The following BCAT1 variants were observed in gnomAD, a reference collection of about 807,000 sequenced individuals.
The protein encoded by BCAT1 is branched-chain-amino-acid aminotransferase, cytosolic.
BCAT1 carries 48 observed loss-of-function variants against 52.4 expected under a neutral mutation model. That is an observed-to-expected ratio of 0.92 (90% CI 0.73 to 1.16). BCAT1 has a LOEUF of 1.16. Ranked by LOEUF, BCAT1 falls within the 50% of genes most tolerant of loss-of-function variation. The probability of loss-of-function intolerance (pLI) is 0.00; values close to 1 mark genes in which losing one functional copy is unlikely to be tolerated. For synonymous variants in BCAT1, 167 were observed against 161.3 expected (o/e 1.04, Z -0.27); for missense variants, 451 against 457.1 (o/e 0.99, Z 0.12).
intron 1 of BCAT1, chr12:24,945,649 A>G (rs909766329): frequency 6.6e-6 from 1 of 152,204 alleles, no homozygotes; most frequent in African/African-American, 2.4e-5. Context: ...CCTGGCCAAC[A>G]TGGCAAAACT....
chr12:24,878,431 T>TG (rs765298173), intron 5 of BCAT1, 99 bp downstream of exon 5: 23 of 1,122,544 alleles, frequency 2.0e-5, no homozygotes, highest in Non-Finnish European at 2.7e-5. Context: ...ATGATGCTAC[T>TG]GGGGGGCTAC....
chr12:24,858,261 A>C lies in BCAT1; in HGVS notation c.511-8312T>G, dbSNP rs115387149. On this transcript the variant is annotated intron_variant, in intron 5 of 10. Transcript: ENST00000261192. Reference sequence around the variant, plus strand: ...GTGTTGTATGTGTGATATGCATAGAAAAGAGCTCTAATTAATTGGCTTGAA... The same window carrying C: ...GTGTTGTATGTGTGATATGCATAGACAAGAGCTCTAATTAATTGGCTTGAA... Among the ~76,000 whole-genome samples the C allele has an allele frequency of 5.1e-3, 772 of 152,326 alleles. 8 individuals carry two copies. Among genetic ancestry groups the C allele is most frequent in the African/African-American group, 0.018 (749 of 41,572 alleles).
intron 1 of BCAT1, among the ~76,000 whole-genome samples, chr12:24,904,912 T>C (rs1006737154): frequency 2.0e-5 from 3 of 152,214 alleles, no homozygotes; most frequent in Admixed American, 2.0e-4. Flanking sequence ...GCCTGTGCTC[T>C]AAGAGCCTCT....
intron 2 of BCAT1, among the ~76,000 whole-genome samples, chr12:24,898,807 T>C (rs1250499707): frequency 1.3e-5 from 2 of 152,128 alleles, no homozygotes; most frequent in African/African-American, 4.8e-5. Context: ...TGAGTCACCA[T>C]GCCAGGCCTG....
chr12:24,819,799 T>G (rs1265583467), intron 10 of BCAT1, among the ~76,000 whole-genome samples: 2 of 152,164 alleles, frequency 1.3e-5, no homozygotes, highest in Non-Finnish European at 2.9e-5. Flanking sequence ...GGAAGCCAAA[T>G]GACTGTAAGT....
At position 24,920,974 on chromosome 12, in the gene BCAT1, G is replaced by A. The variant is rs148279852; in HGVS notation, c.7-19089C>T. On this transcript the variant is annotated intron_variant, in intron 1 of 10. Transcript: ENST00000261192. The stretch of plus-strand genomic sequence containing the variant: ...AAGTCTGGAAGGGTTCTGAGCACAG[G>A]AGCTTTTGTCCTCGTGGAGTTGGGA... Among the ~76,000 whole-genome samples, 80 of 152,250 alleles carry A rather than the reference G, an allele frequency of 5.3e-4. 1 individual carries two copies. Among genetic ancestry groups the A allele is most frequent in the Non-Finnish European group, 9.3e-4 (63 of 68,012 alleles).
At position 24,894,434 on chromosome 12, in the gene BCAT1, T is replaced by G. The variant is rs550536696; in HGVS notation, c.120A>C (p.Glu40Asp). 1 of 1,606,290 alleles carries G rather than the reference T, an allele frequency of 6.2e-7. No homozygotes were observed. Among genetic ancestry groups the G allele is most frequent in the Non-Finnish European group, 8.5e-7 (1 of 1,175,854 alleles). ...AAACCAGATTATTGGGGTCTGGTTTTTCCTTTAAAATGGTAGCTGGTGTGA... is the reference window on the plus strand; with the variant it reads ...AAACCAGATTATTGGGGTCTGGTTTGTCCTTTAAAATGGTAGCTGGTGTGA... ...LIVTPATILK[E>D]KPDPNNLVFG... Residue 40 changes from glutamate to aspartate, a missense_variant, in exon 3 of 11, where the codon GAA becomes GAC. By Grantham distance (45) the Glu-to-Asp change is conservative. Coordinates refer to ENST00000261192, the MANE Select transcript of BCAT1 (RefSeq NM_005504.7).
chr12:24,854,120 C>T (rs1941596696), intron 5 of BCAT1, among the ~76,000 whole-genome samples: 1 of 152,184 alleles, frequency 6.6e-6, no homozygotes. Context: ...AATAAAAAGA[C>T]ATGTCACAGA....
At chr12:24,828,676 A>G (rs1591779265) in intron 10 of BCAT1, among the ~76,000 whole-genome samples, 1 of 152,252 alleles carries the variant, frequency 6.6e-6, no homozygotes, top group Non-Finnish European at 1.5e-5. Context: ...AATTATGTAC[A>G]ATATGATCCC....
intron 5 of BCAT1, among the ~76,000 whole-genome samples, chr12:24,862,561 A>C (rs199605851): frequency 6.6e-6 from 1 of 152,096 alleles, no homozygotes; most frequent in East Asian, 1.9e-4. Flanking sequence ...TTAAGGCTCC[A>C]CCCCAAAGTG....
rs777576778 is a variant in BCAT1 at position 24,816,817 on chromosome 12, C to A, written c.*1191G>T. 2 of 366,662 alleles carry A rather than the reference C, an allele frequency of 5.5e-6. No individual in the cohort carries two copies. Among genetic ancestry groups the A allele is most frequent in the Non-Finnish European group, 9.7e-6 (2 of 205,578 alleles). 22.7% of individuals were successfully genotyped at this position (366,662 alleles called of 1,614,324 possible). ...CTCAGGTCATCAAGCATTAGATTCT[C>A]ATAAGGAGCGCATAGCCTAGATCCC... On this transcript the variant is annotated 3_prime_UTR_variant, in exon 11 of 11. Coordinates refer to ENST00000261192, the MANE Select transcript of BCAT1 (RefSeq NM_005504.7).
At chr12:24,926,867 C>A (rs1379918630) in intron 1 of BCAT1, among the ~76,000 whole-genome samples, 1 of 152,036 alleles carries the variant, frequency 6.6e-6, no homozygotes, top group Non-Finnish European at 1.5e-5. Context: ...GACCTTTGTT[C>A]ACTCGTTTAT....
chr12:24,832,737 G>T lies in BCAT1; in HGVS notation c.1030C>A (p.Leu344Met). The T allele has an allele frequency of 6.2e-7, 1 of 1,610,834 alleles. No individual in the cohort carries two copies. Among genetic ancestry groups the T allele is most frequent in the Non-Finnish European group, 8.5e-7 (1 of 1,178,404 alleles). Residue 344 changes from leucine to methionine, a missense_variant, in exon 9 of 11, where the codon CTG becomes ATG. By Grantham distance (15) the Leu-to-Met change is conservative. Transcript: ENST00000261192. ...ACTTGTCGTACCTCGCCTTTGTACA[G>T]TATATCAGAAACTGGGCAAACAACA... ...ACVVCPVSDI[L>M]YKGETIHIPT...
In BCAT1 at chr12:24,815,279, A is replaced by G. The variant is rs1052379817; in HGVS notation, c.*2729T>C. The G allele has an allele frequency of 6.6e-6, 1 of 152,450 alleles. No individual in the cohort carries two copies. Among genetic ancestry groups the G allele is most frequent in the Non-Finnish European group, 1.5e-5 (1 of 68,012 alleles). The allele number at this position is 152,450 out of a possible 1,614,324, so 9.4% of individuals were successfully genotyped here. A position where few individuals can be genotyped will look rare whatever the true frequency, so the allele number is the denominator to read the frequency against. Reference sequence around the variant, plus strand: ...GTTAATCATTATCATTTTAAGTGCCACCAGTTCTGTTTATATTAATGCACT... The same window carrying G: ...GTTAATCATTATCATTTTAAGTGCCGCCAGTTCTGTTTATATTAATGCACT... On this transcript the variant is annotated 3_prime_UTR_variant, in exon 11 of 11. Coordinates refer to ENST00000261192, the MANE Select transcript of BCAT1 (RefSeq NM_005504.7).
intron 5 of BCAT1, among the ~76,000 whole-genome samples, chr12:24,864,860 T>C (rs183490141): frequency 4.3e-4 from 65 of 152,246 alleles, no homozygotes; most frequent in African/African-American, 1.4e-3. Flanking sequence ...GCCTTCCACA[T>C]TGACAAATCC....
chr12:24,915,512 A>G (rs1216602522), intron 1 of BCAT1, among the ~76,000 whole-genome samples: 1 of 152,240 alleles, frequency 6.6e-6, no homozygotes, highest in African/African-American at 2.4e-5. Context: ...TCTCTAGAAG[A>G]AAATATATTA....
chr12:24,866,248 C>T (rs924779941), intron 5 of BCAT1, among the ~76,000 whole-genome samples: 19 of 152,320 alleles, frequency 1.2e-4, no homozygotes, highest in African/African-American at 3.8e-4. Context: ...TGCACCGGGT[C>T]CCCCAGCAGT....
At chr12:24,866,380 C>A (rs957591928) in intron 5 of BCAT1, among the ~76,000 whole-genome samples, 1 of 152,218 alleles carries the variant, frequency 6.6e-6, no homozygotes, top group Non-Finnish European at 1.5e-5. Flanking sequence ...CTCCCGCCCC[C>A]CGCCACCGCT....
At chr12:24,854,526 C>T (rs998734083) in intron 5 of BCAT1, among the ~76,000 whole-genome samples, 18 of 151,998 alleles carry the variant, frequency 1.2e-4, no homozygotes, top group African/African-American at 4.1e-4. Context: ...GAGAGCTCAG[C>T]GGTCCATACA....
Sources: gnomAD v4.1 joint callset for allele counts (sites outside exome capture counted in the v4.1 genomes callset) on GRCh38, gnomAD v4.1.1 for gene constraint, MANE v1.5 for transcripts, NCBI Gene and HGNC (gene_info 2026-07-23, HGNC 2026-07-21) for gene names.